Variants in FAM180A observed in about 807,000 individuals in gnomAD.
FAM180A encodes the protein family with sequence similarity 180 member A.
A neutral mutation model predicts 15.3 loss-of-function variants in FAM180A; 14 were observed. The observed-to-expected ratio is 0.92, with a 90% confidence interval of 0.61 to 1.43. The LOEUF (loss-of-function observed/expected upper bound fraction) is 1.43, where lower values mean the gene tolerates loss of function less well. Among genes scored for constraint, FAM180A ranks in the 40% most tolerant of loss-of-function variants. The pLI is 0.00. For synonymous variants in FAM180A, 90 were observed against 96.8 expected (o/e 0.93, Z 0.41); for missense variants, 200 against 220.8 (o/e 0.91, Z 0.60).
At chr7:135,748,070 G>T (rs1471925877) in intron 1 of FAM180A, among the ~76,000 whole-genome samples, 1 of 152,226 alleles carries the variant, frequency 6.6e-6, no homozygotes, top group Non-Finnish European at 1.5e-5. Context: ...GCAACGTTCT[G>T]CAGAGCTTCT....
intron 1 of FAM180A, among the ~76,000 whole-genome samples, chr7:135,745,270 A>G (rs2129496269): frequency 6.6e-6 from 1 of 152,300 alleles, no homozygotes; most frequent in Admixed American, 6.5e-5. Flanking sequence ...GTCCACCAAA[A>G]AATGGAAGGG....
At chr7:135,739,406 C>T (rs186851955) in intron 1 of FAM180A, among the ~76,000 whole-genome samples, 3,410 of 150,414 alleles carry the variant, frequency 0.023, 151 homozygotes, top group African/African-American at 0.079. Context: ...GTCAGGAGAT[C>T]GAGACCATCC....
chr7:135,729,939 G>A lies in FAM180A; in HGVS notation c.*672C>T. The A allele has an allele frequency of 7.6e-6, 6 of 792,662 alleles. No homozygotes were observed. Among genetic ancestry groups the A allele is most frequent in the Non-Finnish European group, 9.2e-6 (6 of 654,416 alleles). 49.1% of individuals were successfully genotyped at this position (792,662 alleles called of 1,614,324 possible). A position where few individuals can be genotyped will look rare whatever the true frequency, so the allele number is the denominator to read the frequency against. ...GTTCCGGGGGTCTGTTTCACAACAT[G>A]CATGGAGTTAACACTGCTGTACCAT... On this transcript the variant is annotated 3_prime_UTR_variant, in exon 4 of 4. Transcript: ENST00000338588.
chr7:135,747,221 C>T (rs1405089331), intron 1 of FAM180A, among the ~76,000 whole-genome samples: 4 of 152,156 alleles, frequency 2.6e-5, no homozygotes, highest in African/African-American at 7.2e-5. Flanking sequence ...CATGATGTGA[C>T]GTGCCTGTAT....
At chr7:135,736,350 C>T (rs1451695616) in intron 2 of FAM180A, among the ~76,000 whole-genome samples, 2 of 152,224 alleles carry the variant, frequency 1.3e-5, no homozygotes, top group African/African-American at 2.4e-5. Context: ...CTTAACCAGA[C>T]AGTCCTAGTG....
Position 135,733,660 on chromosome 7 carries a change from G to A in FAM180A, c.*315C>T. ...CTGTGCCCGGCCTGTTCTCACTCTT[G>A]AGTGTGTGGCCACTGCTCTGGGTTG... is the stretch of plus-strand genomic sequence containing the variant. On this transcript the variant is annotated 3_prime_UTR_variant, in exon 3 of 4. Coordinates refer to ENST00000338588, the MANE Select transcript of FAM180A (RefSeq NM_205855.4). The A allele has an allele frequency of 9.0e-7, 1 of 1,112,160 alleles. No homozygotes were observed. The highest frequency in any genetic ancestry group is 1.1e-6 in the Non-Finnish European group (1 of 912,260). 68.9% of individuals were successfully genotyped at this position (1,112,160 alleles called of 1,614,324 possible).
chr7:135,738,484 G>T (rs898806135), intron 1 of FAM180A, among the ~76,000 whole-genome samples: 3 of 152,180 alleles, frequency 2.0e-5, no homozygotes, highest in African/African-American at 4.8e-5. Context: ...ATGAGCTACC[G>T]AGCCCAGCCA....
chr7:135,741,266 C>T (rs1044337140), intron 1 of FAM180A, among the ~76,000 whole-genome samples: 28 of 152,186 alleles, frequency 1.8e-4, no homozygotes, highest in Non-Finnish European at 5.9e-5. Context: ...TGGTCTCCTA[C>T]TGAATAGTAA....
chr7:135,729,714 T>C lies in FAM180A; in HGVS notation c.*897A>G. 1 of 985,400 alleles carries C rather than the reference T, an allele frequency of 1.0e-6. No homozygotes were observed. The highest frequency in any genetic ancestry group is 4.7e-5 in the South Asian group (1 of 21,286). The allele number at this position is 985,400 out of a possible 1,614,324, so 61.0% of individuals were successfully genotyped here. ...TTCTCCTTCAGAACTCTACCCATTT[T>C]TCAGAGGAAGGAAACACTTTTCCAG... On this transcript the variant is annotated 3_prime_UTR_variant, in exon 4 of 4. Coordinates refer to ENST00000338588, the MANE Select transcript of FAM180A (RefSeq NM_205855.4).
Position 135,734,319 on chromosome 7 carries a change from A to G in FAM180A, c.178T>C (p.Phe60Leu). 6.3e-7 allele frequency: 1 copy of G among 1,587,060 alleles called. No homozygotes were observed. Residue 60 changes from phenylalanine (F) to leucine (L), a missense_variant and splice_region_variant, in exon 3 of 4, where the codon TTC becomes CTC. Transcript: ENST00000338588. ...CTGATCTCAAGTTCGGCCAGCAGGAACTGGTGAGAAATGTGGATGTGCAAA... is the reference window on the plus strand; with the variant it reads ...CTGATCTCAAGTTCGGCCAGCAGGAGCTGGTGAGAAATGTGGATGTGCAAA... The part of the protein sequence containing the change: ...SLEEVELLYE[F>L]LLAELEISPD...
chr7:135,734,090 C>T lies in FAM180A; in HGVS notation c.407G>A (p.Arg136His), dbSNP rs777605103. 5.3e-5 allele frequency: 85 copies of T among 1,614,148 alleles called. No homozygotes were observed. The highest frequency in any genetic ancestry group is 1.5e-4 in the South Asian group (14 of 91,086). The part of the protein sequence containing the change: ...TVLTLAYTAY[R>H]TALSHGHQKD... ...CTGATGGCCGTGGGACAGGGCTGTG[C>T]GGTAGGCTGTGTAGGCCAGGGTCAG... The change falls in exon 3 of 4, where the codon CGC becomes CAC. Residue 136 changes from arginine (R) to histidine (H), a missense_variant. Transcript: ENST00000338588.
chr7:135,746,220 G>A (rs960412252), intron 1 of FAM180A, among the ~76,000 whole-genome samples: 1 of 152,086 alleles, frequency 6.6e-6, no homozygotes, highest in Non-Finnish European at 1.5e-5. Context: ...GACATGGCCC[G>A]GAGAAGTTGC....
chr7:135,731,312 C>CATGTT (rs1796777258), intron 3 of FAM180A, among the ~76,000 whole-genome samples: 1 of 152,032 alleles, frequency 6.6e-6, no homozygotes, highest in East Asian at 1.9e-4. Context: ...GATAGGCTAC[C>CATGTT]ATGTTTATCT....
Position 135,748,542 on chromosome 7 carries a change from G to A in FAM180A, c.39C>T (p.Tyr13=). ...WKMLLLLLLY[Y]NAEASMCHRW... Reference sequence around the variant, plus strand: ...TGTGGCACATAGAAGCCTCAGCATTGTAATACAACAGCAGAAGCAGCAACA... The same window carrying A: ...TGTGGCACATAGAAGCCTCAGCATTATAATACAACAGCAGAAGCAGCAACA... Residue 13 remains tyrosine, a synonymous_variant, in exon 1 of 4, where the codon TAC becomes TAT. Transcript: ENST00000338588. The A allele has an allele frequency of 1.2e-6, 2 of 1,614,046 alleles. No individual in the cohort carries two copies. The highest frequency in any genetic ancestry group is 1.6e-4 in the Middle Eastern group (1 of 6,062).
intron 1 of FAM180A, among the ~76,000 whole-genome samples, chr7:135,744,748 C>T (rs1020361662): frequency 1.3e-5 from 2 of 152,202 alleles, no homozygotes; most frequent in African/African-American, 4.8e-5. Context: ...CAACTCTGCC[C>T]TTGCAGCTGG....
intron 1 of FAM180A, among the ~76,000 whole-genome samples, chr7:135,738,863 G>A (rs1168327153): frequency 1.3e-5 from 2 of 152,154 alleles, no homozygotes; most frequent in Non-Finnish European, 2.9e-5. Context: ...AGAAAACTGT[G>A]GAAATAATGG....
chr7:135,730,121 G>T lies in FAM180A; in HGVS notation c.*490C>A. 1.0e-6 allele frequency: 1 copy of T among 985,430 alleles called. No homozygotes were observed. The allele number at this position is 985,430 out of a possible 1,614,324, so 61.0% of individuals were successfully genotyped here. ...ACCATTGGACCTGCAGAAATACTTT[G>T]ATTTGTTAGATTCAAGGTGAGGTGA... On this transcript the variant is annotated 3_prime_UTR_variant, in exon 4 of 4. Transcript: ENST00000338588.
chr7:135,733,575 G>A, intron 3 of FAM180A, 71 bp downstream of exon 3: 1 of 859,830 alleles, frequency 1.2e-6, no homozygotes, highest in Non-Finnish European at 1.4e-6. Flanking sequence ...TTGAACTCCT[G>A]ACCTCAAATA....
chr7:135,736,348 G>A (rs1363637181), intron 2 of FAM180A, among the ~76,000 whole-genome samples: 2 of 152,210 alleles, frequency 1.3e-5, no homozygotes, highest in Non-Finnish European at 2.9e-5. Flanking sequence ...TTCTTAACCA[G>A]ACAGTCCTAG....
Sources: allele counts gnomAD v4.1 joint callset (sites outside exome capture counted in the v4.1 genomes callset), GRCh38; gene constraint gnomAD v4.1.1; transcripts MANE v1.5; gene names NCBI Gene and HGNC (gene_info 2026-07-23, HGNC 2026-07-21).